Variants in ADAMTS20 observed in about 807,000 individuals in gnomAD.
The protein encoded by ADAMTS20 is ADAM metallopeptidase with thrombospondin type 1 motif 20.
In ADAMTS20, 225 loss-of-function variants were observed where a neutral mutation model predicts 260.1. The observed-to-expected ratio is 0.87, with a 90% CI of 0.78 to 0.97. The LOEUF (loss-of-function observed/expected upper bound fraction) is 0.97. ADAMTS20 is among the 50% of genes least tolerant of loss of function. The probability of loss-of-function intolerance (pLI) is 0.00; values close to 1 mark genes in which losing one functional copy is unlikely to be tolerated. For missense variants in ADAMTS20, 2,400 were observed against 2,337.7 expected (o/e 1.03, Z -0.55); for synonymous variants, 802 against 769.5 (o/e 1.04, Z -0.70).
chr12:43,506,897 G>C (rs1942851633), intron 3 of ADAMTS20, among the ~76,000 whole-genome samples: 1 of 150,802 alleles, frequency 6.6e-6, no homozygotes, highest in South Asian at 2.1e-4. Context: ...GAGAAAACTA[G>C]AAAGGACAAG....
intron 3 of ADAMTS20, among the ~76,000 whole-genome samples, chr12:43,510,707 A>G (rs1942910634): frequency 1.3e-5 from 2 of 152,134 alleles, no homozygotes; most frequent in African/African-American, 2.4e-5. Context: ...CACGCACACC[A>G]TGCAACAATG....
rs534629074 is a variant in ADAMTS20 at position 43,431,463 on chromosome 12, G to A, written c.3130C>T (p.Arg1044Trp). 1.7e-5 allele frequency: 27 copies of A among 1,613,904 alleles called. No homozygotes were observed. The highest frequency in any genetic ancestry group is 1.7e-4 in the Middle Eastern group (1 of 6,060). Residue 1044 changes from arginine (R) to tryptophan (W), a missense_variant, in exon 22 of 39, where the codon CGG becomes TGG. Arg to Trp is a moderately radical substitution (Grantham distance 101). Coordinates refer to ENST00000389420, the MANE Select transcript of ADAMTS20 (RefSeq NM_025003.5). Reference sequence around the variant, plus strand: ...ACATTCAGCTGACACCATACCTGCCGCTGCTTTGTTCCTTTACCACATGTA... The same window carrying A: ...ACATTCAGCTGACACCATACCTGCCACTGCTTTGTTCCTTTACCACATGTA... ...LVTCGKGTKQ[R>W]QVWCQLNVDH...
chr12:43,439,391 T>C (rs1941615902), intron 18 of ADAMTS20, among the ~76,000 whole-genome samples: 1 of 151,964 alleles, frequency 6.6e-6, no homozygotes, highest in Admixed American at 6.6e-5. Context: ...AGAACAGTAA[T>C]AGATAGAGAA....
intron 37 of ADAMTS20, among the ~76,000 whole-genome samples, chr12:43,368,118 G>T (rs1439925870): frequency 6.6e-6 from 1 of 151,782 alleles, no homozygotes; most frequent in African/African-American, 2.4e-5. Flanking sequence ...TTTCTTTCCT[G>T]TGATCTCCTC....
intron 7 of ADAMTS20, among the ~76,000 whole-genome samples, chr12:43,474,276 A>T (rs1942314042): frequency 7.2e-6 from 1 of 139,324 alleles, no homozygotes; most frequent in Non-Finnish European, 1.6e-5. Context: ...ACACTCTCCC[A>T]AGACTAAACC....
chr12:43,490,301 A>C (rs981128220), intron 7 of ADAMTS20, 94 bp downstream of exon 7: 24 of 657,172 alleles, frequency 3.7e-5, no homozygotes, highest in Non-Finnish European at 5.5e-5. Flanking sequence ...CAAAATTACT[A>C]AAATGTAAAA....
In ADAMTS20 at chr12:43,399,061, T is replaced by G; in HGVS notation, c.4452+5A>C. 1 of 1,489,346 alleles carries G rather than the reference T, an allele frequency of 6.7e-7. No homozygotes were observed. Among genetic ancestry groups the G allele is most frequent in the Non-Finnish European group, 8.9e-7 (1 of 1,117,350 alleles). The allele number at this position is 1,489,346 out of a possible 1,614,324, so 92.3% of individuals were successfully genotyped here. A position where few individuals can be genotyped will look rare whatever the true frequency, so the allele number is the denominator to read the frequency against. On this transcript the variant is annotated splice_donor_5th_base_variant and intron_variant, in intron 29 of 38. Transcript: ENST00000389420. The stretch of plus-strand genomic sequence containing the variant: ...ATATATAATTATAAAATATACATCA[T>G]ATACCTCATTCCAGCTATTGGCTTT...
At chr12:43,511,894 C>T (rs1190282882) in intron 3 of ADAMTS20, among the ~76,000 whole-genome samples, 2 of 152,084 alleles carry the variant, frequency 1.3e-5, no homozygotes, top group Non-Finnish European at 2.9e-5. Context: ...GAATGTGCAA[C>T]AGATCAAATA....
At chr12:43,377,621 T>C in intron 31 of ADAMTS20, 59 bp from the exon 32 acceptor site, 2 of 1,363,140 alleles carry the variant, frequency 1.5e-6, no homozygotes, top group Non-Finnish European at 2.0e-6. Flanking sequence ...GGGCCTAATA[T>C]TTGTCAGATG....
intron 3 of ADAMTS20, among the ~76,000 whole-genome samples, chr12:43,518,935 C>T (rs1237739938): frequency 1.3e-5 from 2 of 151,952 alleles, no homozygotes; most frequent in African/African-American, 4.8e-5. Context: ...CTCTCGCTTT[C>T]TTCATAGTTA....
intron 29 of ADAMTS20, among the ~76,000 whole-genome samples, chr12:43,395,748 C>T (rs1940689346): frequency 7.5e-6 from 1 of 132,856 alleles, no homozygotes; most frequent in Non-Finnish European, 1.5e-5. Flanking sequence ...AACACACTAT[C>T]TGACCATACT....
At chr12:43,411,838 C>T (rs747804586) in intron 28 of ADAMTS20, among the ~76,000 whole-genome samples, 4 of 152,094 alleles carry the variant, frequency 2.6e-5, no homozygotes. Context: ...CACATTTTGA[C>T]TTTAAAAATA....
In ADAMTS20 at chr12:43,503,512, A is replaced by T. The variant is rs1003139856; in HGVS notation, c.614-1107T>A. On this transcript the variant is annotated intron_variant, in intron 3 of 38. Coordinates refer to ENST00000389420, the MANE Select transcript of ADAMTS20 (RefSeq NM_025003.5). ...CACTTTAGACATTAAGTTTCCACAG[A>T]TGAATTTTTTTTAATTAATATAAAA... Among the ~76,000 whole-genome samples the T allele has an allele frequency of 5.9e-5, 9 of 152,012 alleles. No individual in the cohort carries two copies. In the South Asian group the frequency reaches 6.2e-4, roughly 11 times the overall value.
At chr12:43,443,338 A>G (rs1473822981) in intron 16 of ADAMTS20, among the ~76,000 whole-genome samples, 1 of 152,232 alleles carries the variant, frequency 6.6e-6, no homozygotes, top group Non-Finnish European at 1.5e-5. Context: ...TAAAAATGTG[A>G]AACCACAGTT....
chr12:43,517,593 A>G (rs1943016577), intron 3 of ADAMTS20, among the ~76,000 whole-genome samples: 1 of 152,110 alleles, frequency 6.6e-6, no homozygotes, highest in Non-Finnish European at 1.5e-5. Context: ...ACACAATATT[A>G]TAAAGATGTG....
In ADAMTS20 at chr12:43,446,632, G is replaced by T. The variant is rs1346615049; in HGVS notation, c.2160C>A (p.Cys720Ter). 2 of 1,613,274 alleles carry T rather than the reference G, an allele frequency of 1.2e-6. No individual in the cohort carries two copies. Among genetic ancestry groups the T allele is most frequent in the South Asian group, 1.1e-5 (1 of 91,054 alleles). Reference sequence around the variant, plus strand: ...TGTTGAAGACACCTGTTATTGTCTTGCATGAAGAGTTGTCCCCACCACACA... The same window carrying T: ...TGTTGAAGACACCTGTTATTGTCTTTCATGAAGAGTTGTCCCCACCACACA... Reference protein sequence around the residue: ...CGVCGGDNSSCKTITGVFNSS... With the variant: ...CGVCGGDNSS The change falls in exon 15 of 39, where the codon TGC becomes TGA. Residue 720 changes from cysteine (C) to a stop codon, truncating the protein, a stop_gained. Transcript: ENST00000389420. LOFTEE classifies it high-confidence loss of function.
At chr12:43,471,464 C>T (rs1224593434) in intron 7 of ADAMTS20, among the ~76,000 whole-genome samples, 10 of 119,030 alleles carry the variant, frequency 8.4e-5, no homozygotes, top group Non-Finnish European at 1.2e-4. Context: ...CCAGGAAGCT[C>T]GAACTGGGTG....
intron 7 of ADAMTS20, among the ~76,000 whole-genome samples, chr12:43,483,677 G>A (rs1411376060): frequency 6.6e-6 from 1 of 152,092 alleles, no homozygotes; most frequent in Non-Finnish European, 1.5e-5. Context: ...GTGGTGGATC[G>A]CTTTCCTGCT....
intron 28 of ADAMTS20, among the ~76,000 whole-genome samples, chr12:43,418,845 C>G (rs1166949063): frequency 6.6e-6 from 1 of 152,094 alleles, no homozygotes; most frequent in Non-Finnish European, 1.5e-5. Flanking sequence ...AAATTTCAAT[C>G]TTTTTCCAAT....
Sources: gnomAD v4.1 joint callset for allele counts (sites outside exome capture counted in the v4.1 genomes callset) on GRCh38, gnomAD v4.1.1 for gene constraint, MANE v1.5 for transcripts, NCBI Gene and HGNC (gene_info 2026-07-23, HGNC 2026-07-21) for gene names.